Variants in DTNBP1 observed in about 807,000 individuals in gnomAD.
DTNBP1 encodes dysbindin.
Under a neutral mutation model 42.8 loss-of-function variants are expected in DTNBP1, and 35 were observed. The ratio of observed to expected loss-of-function variants is 0.82; its 90% CI spans 0.63 to 1.09. The LOEUF (loss-of-function observed/expected upper bound fraction) is 1.09. Ranked by LOEUF, DTNBP1 falls within the 50% of genes least tolerant of loss-of-function variation. DTNBP1 has a pLI of 0.00. For synonymous variants in DTNBP1, 171 were observed against 162.2 expected (o/e 1.05, Z -0.41); for missense variants, 457 against 424.2 (o/e 1.08, Z -0.68).
intron 7 of DTNBP1, 146 bp from the exon 8 acceptor site, chr6:15,533,541 C>G: frequency 7.3e-7 from 1 of 1,362,734 alleles, no homozygotes; most frequent in Non-Finnish European, 1.0e-6. Context: ...GCGTGTACAG[C>G]TGGCCTCCTT....
intron 6 of DTNBP1, chr6:15,615,049 G>T: frequency 1.4e-6 from 1 of 701,008 alleles, no homozygotes; most frequent in Non-Finnish European, 2.5e-6. Flanking sequence ...CTTTATATTT[G>T]GGATTCATGT....
At chr6:15,588,356 C>T (rs879092001) in intron 7 of DTNBP1, among the ~76,000 whole-genome samples, 2 of 152,100 alleles carry the variant, frequency 1.3e-5, no homozygotes, top group Admixed American at 1.3e-4. Flanking sequence ...ATCCTTCTAC[C>T]CTGATTGAAA....
chr6:15,581,737 C>A (rs187056738), intron 7 of DTNBP1, among the ~76,000 whole-genome samples: 1 of 150,838 alleles, frequency 6.6e-6, no homozygotes, highest in Non-Finnish European at 1.5e-5. Context: ...CTTGGCCCCC[C>A]AAAAGTGTTG....
At chr6:15,524,431 G>GT in intron 9 of DTNBP1, 95 bp downstream of exon 9, 1 of 1,614,166 alleles carries the variant, frequency 6.2e-7, no homozygotes. Context: ...GGGTTTATGC[G>GT]TAAGTGACTG....
At chr6:15,640,453 A>G (rs1760279439) in intron 3 of DTNBP1, among the ~76,000 whole-genome samples, 1 of 152,272 alleles carries the variant, frequency 6.6e-6, no homozygotes, top group Non-Finnish European at 1.5e-5. Context: ...TAATTCTTGC[A>G]TTCAAATCGT....
At chr6:15,537,264 CA>C (rs568500166) in intron 7 of DTNBP1, among the ~76,000 whole-genome samples, 7 of 150,492 alleles carry the variant, frequency 4.7e-5, no homozygotes, top group African/African-American at 1.5e-4. Flanking sequence ...TGTAAAAATA[CA>C]AAAAAAAATT....
chr6:15,628,161 C>A (rs1389694301), intron 4 of DTNBP1, among the ~76,000 whole-genome samples: 5 of 152,140 alleles, frequency 3.3e-5, no homozygotes, highest in Non-Finnish European at 5.9e-5. Context: ...ACATTAGTTT[C>A]TCCCAGACAA....
intron 6 of DTNBP1, among the ~76,000 whole-genome samples, chr6:15,595,836 C>T (rs972397465): frequency 1.2e-4 from 18 of 152,186 alleles, no homozygotes; most frequent in African/African-American, 3.6e-4. Context: ...GGAGCAAATA[C>T]TTCAGAACAG....
intron 7 of DTNBP1, among the ~76,000 whole-genome samples, chr6:15,592,328 A>G (rs9396593): frequency 0.81 from 123,333 of 152,182 alleles, 50,304 homozygotes; most frequent in East Asian, 1. Flanking sequence ...ATTGAAATGA[A>G]TCTCTCGAGA....
At chr6:15,642,543 A>T (rs1293145713) in intron 3 of DTNBP1, among the ~76,000 whole-genome samples, 1 of 152,176 alleles carries the variant, frequency 6.6e-6, no homozygotes, top group African/African-American at 2.4e-5. Context: ...ACCAAATAAA[A>T]ATCTGCTAAA....
intron 6 of DTNBP1, among the ~76,000 whole-genome samples, chr6:15,614,558 C>T (rs1561992386): frequency 6.6e-6 from 1 of 152,134 alleles, no homozygotes; most frequent in African/African-American, 2.4e-5. Flanking sequence ...AAATACCAAC[C>T]CTGTACCTTC....
At chr6:15,603,977 A>G (rs1776830060) in intron 6 of DTNBP1, among the ~76,000 whole-genome samples, 1 of 152,112 alleles carries the variant, frequency 6.6e-6, no homozygotes, top group South Asian at 2.1e-4. Flanking sequence ...TATGTCCTGT[A>G]AACTCCAGCT....
chr6:15,589,552 C>G (rs1472337228), intron 7 of DTNBP1, among the ~76,000 whole-genome samples: 1 of 152,252 alleles, frequency 6.6e-6, no homozygotes, highest in Non-Finnish European at 1.5e-5. Flanking sequence ...CCATTTCCAA[C>G]TCTGTGTTAA....
chr6:15,649,645 C>T (rs1379692065), intron 3 of DTNBP1, among the ~76,000 whole-genome samples: 4 of 152,116 alleles, frequency 2.6e-5, no homozygotes, highest in South Asian at 4.1e-4. Flanking sequence ...ACATTTTATG[C>T]TATGTATATT....
In DTNBP1 at chr6:15,648,489, T is replaced by C. The variant is rs189260503; in HGVS notation, c.161+2824A>G. Among the ~76,000 whole-genome samples the C allele has an allele frequency of 3.3e-5, 5 of 152,156 alleles. No homozygotes were observed. The East Asian group carries it at 5.8e-4, about 18-fold the overall frequency. On this transcript the variant is annotated intron_variant, in intron 3 of 9. Coordinates refer to ENST00000344537, the MANE Select transcript of DTNBP1 (RefSeq NM_032122.5). The stretch of plus-strand genomic sequence containing the variant: ...TATTCATAAATGATATGATCTTATA[T>C]GCAGAAAACCCTGAAAGTTCCACAC...
intron 7 of DTNBP1, among the ~76,000 whole-genome samples, chr6:15,558,903 T>C (rs1039880821): frequency 1.3e-5 from 2 of 152,250 alleles, no homozygotes; most frequent in African/African-American, 4.8e-5. Context: ...AATGTCGTTA[T>C]GTTATAGGTC....
At chr6:15,646,441 C>T (rs1036167749) in intron 3 of DTNBP1, among the ~76,000 whole-genome samples, 2 of 151,824 alleles carry the variant, frequency 1.3e-5, no homozygotes, top group African/African-American at 2.4e-5. Flanking sequence ...AACCACATTG[C>T]CCAAAGCAAT....
chr6:15,594,252 C>T (rs888983206), intron 6 of DTNBP1, among the ~76,000 whole-genome samples: 3 of 152,102 alleles, frequency 2.0e-5, no homozygotes, highest in Admixed American at 1.3e-4. Context: ...CACCTGAGGT[C>T]AGGAGTTCGA....
intron 7 of DTNBP1, 145 bp from the exon 8 acceptor site, chr6:15,533,540 G>T: frequency 7.3e-7 from 1 of 1,366,168 alleles, no homozygotes; most frequent in Non-Finnish European, 1.0e-6. Context: ...TGCGTGTACA[G>T]CTGGCCTCCT....
Sources: gnomAD v4.1 joint callset for allele counts (sites outside exome capture counted in the v4.1 genomes callset) on GRCh38, gnomAD v4.1.1 for gene constraint, MANE v1.5 for transcripts, NCBI Gene and HGNC (gene_info 2026-07-23, HGNC 2026-07-21) for gene names.